The following CADPS2 variants were observed in gnomAD, a reference collection of about 807,000 sequenced individuals.
The protein encoded by CADPS2 is calcium dependent secretion activator 2, also known as calcium-dependent secretion activator 2.
CADPS2 carries 93 observed loss-of-function variants against 172.5 expected under a neutral mutation model. That is an observed-to-expected ratio of 0.54 (90% confidence interval 0.46 to 0.64). The LOEUF (loss-of-function observed/expected upper bound fraction) is 0.64, where lower values mean the gene tolerates loss of function less well. Ranked by LOEUF, CADPS2 falls within the 30% of genes least tolerant of loss-of-function variation. The pLI, the probability that CADPS2 is intolerant of heterozygous loss-of-function variation, is 0.00. For synonymous variants in CADPS2, 546 were observed against 555.2 expected (o/e 0.98, Z 0.23); for missense variants, 1,420 against 1,565.9 (o/e 0.91, Z 1.57).
chr7:122,709,834 A>G (rs2088378209), intron 2 of CADPS2, among the ~76,000 whole-genome samples: 1 of 151,800 alleles, frequency 6.6e-6, no homozygotes, highest in African/African-American at 2.4e-5. Flanking sequence ...ACATGTTCTC[A>G]CTCATAGATG....
intron 24 of CADPS2, chr7:122,386,164 G>A (rs1186841377): frequency 1.0e-5 from 6 of 596,656 alleles, no homozygotes; most frequent in South Asian, 9.7e-5. Flanking sequence ...TTATATATGC[G>A]AACACAGAAG....
intron 1 of CADPS2, among the ~76,000 whole-genome samples, chr7:122,774,294 AC>A (rs2093805061): frequency 6.6e-6 from 1 of 151,282 alleles, no homozygotes; most frequent in Non-Finnish European, 1.5e-5. Context: ...ACACACACAC[AC>A]ACACACACAC....
At chr7:122,640,182 G>C (rs896695978) in intron 3 of CADPS2, among the ~76,000 whole-genome samples, 7 of 152,116 alleles carry the variant, frequency 4.6e-5, no homozygotes, top group South Asian at 2.1e-4. Context: ...AATCCACCTA[G>C]AGTCATGTAG....
chr7:122,514,360 T>C (rs548733319), intron 8 of CADPS2, among the ~76,000 whole-genome samples: 128 of 152,040 alleles, frequency 8.4e-4, no homozygotes, highest in African/African-American at 2.9e-3. Context: ...ATTATTTATT[T>C]AGGGGCTTAA....
At chr7:122,561,601 C>T (rs1388508081) in intron 7 of CADPS2, among the ~76,000 whole-genome samples, 1 of 152,132 alleles carries the variant, frequency 6.6e-6, no homozygotes, top group African/African-American at 2.4e-5. Context: ...GTAGTCTACG[C>T]TCCTTGAGAG....
At chr7:122,873,754 C>T (rs1376307115) in intron 1 of CADPS2, among the ~76,000 whole-genome samples, 1 of 152,140 alleles carries the variant, frequency 6.6e-6, no homozygotes, top group Admixed American at 6.5e-5. Context: ...ACACTGTGTT[C>T]CACAATAGTT....
chr7:122,862,043 C>A (rs1206321644), intron 1 of CADPS2, among the ~76,000 whole-genome samples: 1 of 152,152 alleles, frequency 6.6e-6, no homozygotes, highest in African/African-American at 2.4e-5. Context: ...GATGGCAGAT[C>A]AGAAAACAGA....
intron 7 of CADPS2, among the ~76,000 whole-genome samples, chr7:122,572,074 G>A (rs925847336): frequency 3.3e-5 from 5 of 152,068 alleles, no homozygotes; most frequent in Admixed American, 2.0e-4. Context: ...GAAGCTCCTC[G>A]TGAAATCATA....
intron 1 of CADPS2, among the ~76,000 whole-genome samples, chr7:122,812,094 T>G (rs2140175705): frequency 6.6e-6 from 1 of 152,166 alleles, no homozygotes; most frequent in African/African-American, 2.4e-5. Flanking sequence ...GGACTAAAGA[T>G]TCTACTTGTC....
chr7:122,570,165 T>A (rs1362689377), intron 7 of CADPS2, among the ~76,000 whole-genome samples: 3 of 149,914 alleles, frequency 2.0e-5, no homozygotes, highest in Admixed American at 1.3e-4. Flanking sequence ...GAATCTACAA[T>A]GAACTCAAAC....
intron 29 of CADPS2, among the ~76,000 whole-genome samples, chr7:122,324,652 T>C (rs1436856128): frequency 6.6e-6 from 1 of 152,126 alleles, no homozygotes; most frequent in Non-Finnish European, 1.5e-5. Context: ...CACACATATA[T>C]ACTACTAATA....
chr7:122,681,924 TG>T (rs1318877303), intron 2 of CADPS2, among the ~76,000 whole-genome samples: 2 of 152,048 alleles, frequency 1.3e-5, no homozygotes, highest in Non-Finnish European at 2.9e-5. Flanking sequence ...CTTTTTTTTT[TG>T]TTTGCTTGTT....
intron 28 of CADPS2, 65 bp downstream of exon 28, chr7:122,345,509 A>C (rs2037445691): frequency 1.0e-6 from 1 of 978,494 alleles, no homozygotes; most frequent in Non-Finnish European, 1.6e-6. Flanking sequence ...ATACCATCAA[A>C]ATTCAACTTT....
At chr7:122,379,947 A>G (rs937461187) in intron 24 of CADPS2, among the ~76,000 whole-genome samples, 7 of 152,182 alleles carry the variant, frequency 4.6e-5, no homozygotes, top group African/African-American at 1.7e-4. Context: ...GCAGCAGTTT[A>G]TACAATTCTT....
intron 1 of CADPS2, among the ~76,000 whole-genome samples, chr7:122,762,770 C>T (rs2093431037): frequency 6.6e-6 from 1 of 151,992 alleles, no homozygotes; most frequent in Non-Finnish European, 1.5e-5. Flanking sequence ...AGAAGGCCAC[C>T]AGTCCAAATG....
chr7:122,537,915 A>T (rs923796136), intron 8 of CADPS2, among the ~76,000 whole-genome samples: 6 of 151,852 alleles, frequency 4.0e-5, no homozygotes, highest in Non-Finnish European at 8.8e-5. Context: ...AAATAATATT[A>T]ATAGCTAAAT....
chr7:122,701,926 A>G (rs1159790942), intron 2 of CADPS2: 1 of 1,613,692 alleles, frequency 6.2e-7, no homozygotes, highest in Non-Finnish European at 8.5e-7. Context: ...AATGTTTGCA[A>G]GTTAAAATGC....
At chr7:122,340,705 TGCCTGGG>T (rs2036634501) in intron 28 of CADPS2, among the ~76,000 whole-genome samples, 1 of 152,178 alleles carries the variant, frequency 6.6e-6, no homozygotes, top group Non-Finnish European at 1.5e-5. Flanking sequence ...GCAGCCACTC[TGCCTGGG>T]AAGAAACATC....
Position 122,405,030 on chromosome 7 carries a change from C to T in CADPS2, c.2746+2510G>A, listed in dbSNP as rs62474599. On this transcript the variant is annotated intron_variant, in intron 20 of 29. Coordinates refer to ENST00000449022, the MANE Select transcript of CADPS2 (RefSeq NM_017954.11). ...TGTGGAGGCAGAGCTTGCAGTGAGCCGAGATCGCGTCATTGCACTCCAGCC... is the reference window on the plus strand; with the variant it reads ...TGTGGAGGCAGAGCTTGCAGTGAGCTGAGATCGCGTCATTGCACTCCAGCC... Among the ~76,000 whole-genome samples the T allele has an allele frequency of 2.6e-3, 394 of 151,700 alleles. 2 individuals carry two copies. The highest frequency in any genetic ancestry group is 4.6e-3 in the Non-Finnish European group (315 of 67,940).
Sources: gnomAD v4.1 joint callset for allele counts (sites outside exome capture counted in the v4.1 genomes callset) on GRCh38, gnomAD v4.1.1 for gene constraint, MANE v1.5 for transcripts, NCBI Gene and HGNC (gene_info 2026-07-23, HGNC 2026-07-21) for gene names.